The following SEPSECS variants were observed in gnomAD, a reference collection of about 807,000 sequenced individuals.
SEPSECS encodes O-phosphoseryl-tRNA(Sec) selenium transferase.
In SEPSECS, 42 loss-of-function variants were observed where a neutral mutation model predicts 52.1. The observed-to-expected ratio is 0.81, with a 90% confidence interval of 0.63 to 1.04. SEPSECS has a LOEUF of 1.04. Ranked by LOEUF, SEPSECS falls within the 50% of genes least tolerant of loss-of-function variation. The pLI is 0.00. For synonymous variants in SEPSECS, 216 were observed against 211.4 expected, an observed-to-expected ratio of 1.02 and a Z score of -0.19; for missense variants, 590 against 610.6, an observed-to-expected ratio of 0.97 and a Z score of 0.36.
chr4:25,137,955 A>G (rs1728909130), intron 8 of SEPSECS, among the ~76,000 whole-genome samples: 1 of 152,142 alleles, frequency 6.6e-6, no homozygotes, highest in Non-Finnish European at 1.5e-5. Flanking sequence ...CAGCAAACTA[A>G]AGCAGGAACA....
intron 4 of SEPSECS, among the ~76,000 whole-genome samples, chr4:25,155,392 A>C (rs538044088): frequency 5.5e-4 from 84 of 152,364 alleles, no homozygotes; most frequent in African/African-American, 1.9e-3. Context: ...GGATATGACA[A>C]GAATGAATTC....
intron 6 of SEPSECS, among the ~76,000 whole-genome samples, chr4:25,146,464 A>G (rs1286544090): frequency 2.4e-5 from 2 of 83,620 alleles, no homozygotes; most frequent in Non-Finnish European, 4.9e-5. Flanking sequence ...TGCATATAAG[A>G]CTAACAGAAT....
chr4:25,134,220 T>A (rs1392877205), intron 8 of SEPSECS, among the ~76,000 whole-genome samples: 1 of 147,186 alleles, frequency 6.8e-6, no homozygotes, highest in Non-Finnish European at 1.5e-5. Flanking sequence ...GGTACATGCC[T>A]ATAGTCTTAG....
chr4:25,155,905 T>G, intron 4 of SEPSECS, 132 bp downstream of exon 4: 1 of 795,110 alleles, frequency 1.3e-6, no homozygotes, highest in Non-Finnish European at 2.0e-6. Context: ...GTTACATATA[T>G]TTTACAATTT....
rs1156425638 is a variant in SEPSECS at position 25,127,312 on chromosome 4, C to T, written c.1072G>A (p.Ala358Thr). The T allele has an allele frequency of 1.9e-6, 3 of 1,613,132 alleles. No homozygotes were observed. Among genetic ancestry groups the T allele is most frequent in the Non-Finnish European group, 2.5e-6 (3 of 1,179,530 alleles). The change falls in exon 9 of 11, where the codon GCC (alanine) becomes ACC (threonine). Residue 358 changes from alanine to threonine, a missense_variant. Transcript: ENST00000382103. ...GTATGCAACAGTCTTTCATTGTAGG[C>T]TTCTGACAACTTCTTTATTTGGTTG... Reference protein sequence around the residue: ...LSNQIKKLSEAYNERLLHTPH... With the variant: ...LSNQIKKLSETYNERLLHTPH...
At position 25,160,255 on chromosome 4, in the gene SEPSECS, C is replaced by A. The variant is rs1356750726; in HGVS notation, c.114+1G>T. 1.3e-6 allele frequency: 2 copies of A among 1,554,338 alleles called. No homozygotes were observed. The highest frequency in any genetic ancestry group is 1.7e-6 in the Non-Finnish European group (2 of 1,148,224). On this transcript the variant is annotated splice_donor_variant, in intron 1 of 10. Coordinates refer to ENST00000382103, the MANE Select transcript of SEPSECS (RefSeq NM_016955.4). LOFTEE classifies it high-confidence loss of function. ...TGGGGAGGGGACCGACAGCTCGGTA[C>A]CTTCTCCAGAAGCAGCCGTATGAGG...
At chr4:25,156,507 A>C (rs1410256243) in intron 3 of SEPSECS, among the ~76,000 whole-genome samples, 2 of 151,822 alleles carry the variant, frequency 1.3e-5, no homozygotes, top group Non-Finnish European at 2.9e-5. Flanking sequence ...GATCGAGACC[A>C]TCCTGGCTAA....
intron 8 of SEPSECS, among the ~76,000 whole-genome samples, chr4:25,140,055 G>GT (rs1313498051): frequency 6.6e-6 from 1 of 152,170 alleles, no homozygotes; most frequent in Admixed American, 6.5e-5. Context: ...GCTGACAGTT[G>GT]TAAGATTATA....
At chr4:25,127,143 A>T in intron 9 of SEPSECS, 121 bp downstream of exon 9, 1 of 677,330 alleles carries the variant, frequency 1.5e-6, no homozygotes, top group Non-Finnish European at 2.5e-6. Flanking sequence ...AAATTAAAAT[A>T]CTGTGATGAA....
chr4:25,151,215 G>A (rs563247585), intron 6 of SEPSECS, among the ~76,000 whole-genome samples: 4 of 152,246 alleles, frequency 2.6e-5, no homozygotes, highest in South Asian at 4.1e-4. Context: ...AGTTTCTGAG[G>A]AAGTCTCACT....
At chr4:25,147,518 C>T (rs1047291181) in intron 6 of SEPSECS, among the ~76,000 whole-genome samples, 1 of 152,194 alleles carries the variant, frequency 6.6e-6, no homozygotes, top group Non-Finnish European at 1.5e-5. Flanking sequence ...TGGAACTTTA[C>T]AATCCATTGT....
intron 6 of SEPSECS, among the ~76,000 whole-genome samples, chr4:25,147,381 C>T (rs970914044): frequency 6.6e-6 from 1 of 152,212 alleles, no homozygotes; most frequent in Non-Finnish European, 1.5e-5. Flanking sequence ...ACCCTGGTGC[C>T]TGGTACACAA....
At chr4:25,156,627 G>C (rs1431809735) in intron 3 of SEPSECS, among the ~76,000 whole-genome samples, 1 of 132,690 alleles carries the variant, frequency 7.5e-6, no homozygotes. Flanking sequence ...AGAATGGCGT[G>C]AACCCGGGAG....
chr4:25,125,803 T>G lies in SEPSECS; in HGVS notation c.1121-19A>C. ...GTCATAGCTGAAAAAGAAAAAAGTA[T>G]CCTAATAAGCCTTGGTTTACTGGCA... On this transcript the variant is annotated intron_variant, in intron 9 of 10. Transcript: ENST00000382103. 6.6e-7 allele frequency: 1 copy of G among 1,522,554 alleles called. No individual in the cohort carries two copies. Among genetic ancestry groups the G allele is most frequent in the Non-Finnish European group, 9.1e-7 (1 of 1,099,154 alleles). 94.3% of individuals were successfully genotyped at this position (1,522,554 alleles called of 1,614,324 possible). A position where few individuals can be genotyped will look rare whatever the true frequency, so the allele number is the denominator to read the frequency against.
rs1465339142 is a variant in SEPSECS at position 25,156,164 on chromosome 4, A to T, written c.420T>A (p.Val140=). ...GVHTVANCFV[V]PMATGMSLTL... ...TTAGACTCATACCAGTTGCCATAGGAACTACAAAGCAGTTGGCTACTGTAT... is the reference window on the plus strand; with the variant it reads ...TTAGACTCATACCAGTTGCCATAGGTACTACAAAGCAGTTGGCTACTGTAT... Residue 140 remains valine (V), a synonymous_variant, in exon 4 of 11, where the codon GTT becomes GTA. Transcript: ENST00000382103. 1 of 1,613,990 alleles carries T rather than the reference A, an allele frequency of 6.2e-7. No homozygotes were observed. The highest frequency in any genetic ancestry group is 2.2e-5 in the East Asian group (1 of 44,854).
intron 1 of SEPSECS, chr4:25,159,409 G>C: frequency 5.5e-6 from 2 of 366,352 alleles, no homozygotes; most frequent in South Asian, 5.7e-5. Flanking sequence ...CAGTGAAGAT[G>C]CTTCAAACCA....
chr4:25,148,515 G>A (rs1467035366), intron 6 of SEPSECS, among the ~76,000 whole-genome samples: 6 of 152,126 alleles, frequency 3.9e-5, no homozygotes, highest in Admixed American at 6.5e-5. Context: ...CAAGACTCAA[G>A]TATTCATTTG....
intron 6 of SEPSECS, among the ~76,000 whole-genome samples, chr4:25,147,890 T>A (rs1402143092): frequency 6.6e-6 from 1 of 152,216 alleles, no homozygotes. Flanking sequence ...TAGTACTTTG[T>A]TTTTTAACAG....
intron 9 of SEPSECS, among the ~76,000 whole-genome samples, chr4:25,126,220 C>T (rs1315536666): frequency 6.6e-6 from 1 of 152,086 alleles, no homozygotes; most frequent in Non-Finnish European, 1.5e-5. Context: ...GGATTGCATA[C>T]ATAGCACCAC....
Sources: allele counts gnomAD v4.1 joint callset (sites outside exome capture counted in the v4.1 genomes callset), GRCh38; gene constraint gnomAD v4.1.1; transcripts MANE v1.5; gene names NCBI Gene and HGNC (gene_info 2026-07-23, HGNC 2026-07-21).